Variants in CLCA2 observed in about 807,000 individuals in gnomAD.
CLCA2 encodes the protein calcium-activated chloride channel regulator 2.
A neutral mutation model predicts 82.9 loss-of-function variants in CLCA2; 85 were observed. That is an observed-to-expected ratio of 1.03 (90% CI 0.86 to 1.23). CLCA2 has a LOEUF of 1.23. Ranked by LOEUF, CLCA2 falls within the 50% of genes most tolerant of loss-of-function variation. The probability of loss-of-function intolerance (pLI) is 0.00; values close to 1 mark genes in which losing one functional copy is unlikely to be tolerated. For missense variants in CLCA2, 1,089 were observed against 1,124.8 expected (o/e 0.97, Z 0.45); for synonymous variants, 421 against 391.7 (o/e 1.07, Z -0.88).
At chr1:86,449,056 A>T (rs552111816) in intron 11 of CLCA2, among the ~76,000 whole-genome samples, 3 of 152,250 alleles carry the variant, frequency 2.0e-5, no homozygotes, top group Admixed American at 6.5e-5. Flanking sequence ...ACAATAAAAA[A>T]TACTGCTCAG....
At chr1:86,433,090 T>C (rs1289364762) in intron 5 of CLCA2, among the ~76,000 whole-genome samples, 1 of 152,236 alleles carries the variant, frequency 6.6e-6, no homozygotes, top group Non-Finnish European at 1.5e-5. Context: ...AAAAGAGTAC[T>C]CTGTCATGGG....
chr1:86,432,195 C>T lies in CLCA2; in HGVS notation c.585-174C>T, dbSNP rs538437734. Among the ~76,000 whole-genome samples the T allele has an allele frequency of 4.6e-5, 7 of 152,268 alleles. No individual in the cohort carries two copies. In the East Asian group the frequency reaches 7.7e-4, roughly 17 times the overall value. ...AGGTGATCCACCAGCCTCAGCCTCC[C>T]AAAGTAATGGGATTACAGGTGTGAG... On this transcript the variant is annotated intron_variant, in intron 4 of 13. Transcript: ENST00000370565.
chr1:86,449,285 A>G (rs1055604065), intron 11 of CLCA2, among the ~76,000 whole-genome samples: 1 of 152,210 alleles, frequency 6.6e-6, no homozygotes, highest in Non-Finnish European at 1.5e-5. Flanking sequence ...TCTCCATTTT[A>G]TAGATGAGAA....
At chr1:86,431,638 T>C (rs749092963) in intron 4 of CLCA2, among the ~76,000 whole-genome samples, 2 of 152,186 alleles carry the variant, frequency 1.3e-5, no homozygotes, top group Non-Finnish European at 2.9e-5. Context: ...TAGGAAAGAA[T>C]CCTGTTAAAT....
chr1:86,440,028 A>T, intron 7 of CLCA2, 120 bp from the exon 8 acceptor site: 1 of 923,490 alleles, frequency 1.1e-6, no homozygotes, highest in Non-Finnish European at 1.7e-6. Flanking sequence ...GTAAAACTTG[A>T]GTGGAGATGG....
Position 86,443,800 on chromosome 1 carries a change from G to C in CLCA2, c.1502G>C (p.Gly501Ala), listed in dbSNP as rs1160012689. 3 of 1,613,494 alleles carry C rather than the reference G, an allele frequency of 1.9e-6. No individual in the cohort carries two copies. The highest frequency in any genetic ancestry group is 2.2e-5 in the South Asian group (2 of 91,030). Residue 501 changes from glycine (G) to alanine (A), a missense_variant, in exon 10 of 14, where the codon GGT (glycine) becomes GCT (alanine). Gly to Ala is a moderately conservative substitution (Grantham distance 60). Coordinates refer to ENST00000370565, the MANE Select transcript of CLCA2 (RefSeq NM_006536.7). ...TCTCTTTAACAGCTTGAAAGTACAGGTGAAAATGTCAAACCTCACCATCAA... is the reference window on the plus strand; with the variant it reads ...TCTCTTTAACAGCTTGAAAGTACAGCTGAAAATGTCAAACCTCACCATCAA... The part of the protein sequence containing the change: ...FQQHIQLEST[G>A]ENVKPHHQLK...
intron 11 of CLCA2, among the ~76,000 whole-genome samples, chr1:86,448,932 A>T (rs550771056): frequency 1.3e-5 from 2 of 152,234 alleles, no homozygotes; most frequent in African/African-American, 4.8e-5. Context: ...CAGCCTGGAG[A>T]ACAGAGCCTA....
At chr1:86,454,755 G>T (rs1663038499) in intron 13 of CLCA2, among the ~76,000 whole-genome samples, 2 of 152,110 alleles carry the variant, frequency 1.3e-5, no homozygotes, top group African/African-American at 4.8e-5. Context: ...TGGCGCCACT[G>T]CACTCCAACC....
chr1:86,430,508 C>T (rs1287894523), intron 3 of CLCA2, among the ~76,000 whole-genome samples: 1 of 152,158 alleles, frequency 6.6e-6, no homozygotes, highest in Non-Finnish European at 1.5e-5. Context: ...TTTCTCCAAA[C>T]CCTGAACTTA....
At chr1:86,430,746 ACTC>A in intron 3 of CLCA2, 113 bp from the exon 4 acceptor site, 2 of 766,590 alleles carry the variant, frequency 2.6e-6, no homozygotes. Flanking sequence ...AGTAACTTAA[ACTC>A]TTTGGTCATT....
intron 13 of CLCA2, among the ~76,000 whole-genome samples, chr1:86,454,686 G>A (rs927024336): frequency 6.6e-5 from 10 of 152,198 alleles, no homozygotes; most frequent in African/African-American, 2.4e-4. Flanking sequence ...CAGCTACTTG[G>A]GAGGCTGAGG....
At chr1:86,425,600 A>ATAT in intron 2 of CLCA2, 124 bp downstream of exon 2, 1 of 679,234 alleles carries the variant, frequency 1.5e-6, no homozygotes, top group Non-Finnish European at 2.1e-6. Context: ...AATGCAAATA[A>ATAT]TATTAATGGG....
chr1:86,447,930 A>G (rs748312715), intron 11 of CLCA2, 152 bp downstream of exon 11: 3 of 777,918 alleles, frequency 3.9e-6, no homozygotes, highest in Non-Finnish European at 6.0e-6. Context: ...AGTCACTGAT[A>G]TACTGAATAG....
rs747280983 is a variant in CLCA2 at position 86,424,398 on chromosome 1, G to A, written c.151G>A (p.Val51Ile). 1.4e-5 allele frequency: 23 copies of A among 1,611,010 alleles called. No homozygotes were observed. Among genetic ancestry groups the A allele is most frequent in the Middle Eastern group, 1.7e-4 (1 of 6,058 alleles). The change falls in exon 1 of 14, where the codon GTA becomes ATA. Residue 51 changes from valine to isoleucine, a missense_variant. Transcript: ENST00000370565. ...ATTGCTCATTGCAATTAATCCTCAGGTACCTGAGAATCAGAACCTCATCTC... is the reference window on the plus strand; with the variant it reads ...ATTGCTCATTGCAATTAATCCTCAGATACCTGAGAATCAGAACCTCATCTC... ...NGLLIAINPQVPENQNLISNI... is the reference protein window; with the variant it reads ...NGLLIAINPQIPENQNLISNI...
At position 86,453,611 on chromosome 1, in the gene CLCA2, G is replaced by T. The variant is rs551438794; in HGVS notation, c.2389+9G>T. 1.1e-5 allele frequency: 17 copies of T among 1,608,906 alleles called. 1 individual carries two copies. The South Asian group carries it at 1.7e-4, about 16-fold the overall frequency. ...CTTTGATCAGGGCCAGGGTAGGTTT[G>T]CTCATTTCATTACCTATTTTTCCAT... On this transcript the variant is annotated intron_variant, in intron 13 of 13. Transcript: ENST00000370565.
Position 86,455,316 on chromosome 1 carries a change from T to C in CLCA2, c.2621T>C (p.Leu874Ser). Residue 874 changes from leucine to serine, a missense_variant, in exon 14 of 14, where the codon TTA (leucine) becomes TCA (serine). Leu to Ser is a moderately radical substitution (Grantham distance 145). Transcript: ENST00000370565. ...VAIRAMDRNS[L>S]QSAVSNIAQA... ...ATACGAGCAATGGATAGGAACTCCTTACAGTCTGCTGTATCTAACATTGCC... is the reference window on the plus strand; with the variant it reads ...ATACGAGCAATGGATAGGAACTCCTCACAGTCTGCTGTATCTAACATTGCC... 1 of 1,614,022 alleles carries C rather than the reference T, an allele frequency of 6.2e-7. No individual in the cohort carries two copies. Among genetic ancestry groups the C allele is most frequent in the Non-Finnish European group, 8.5e-7 (1 of 1,179,970 alleles).
At chr1:86,436,957 G>A (rs568804467) in intron 6 of CLCA2, among the ~76,000 whole-genome samples, 53 of 152,162 alleles carry the variant, frequency 3.5e-4, no homozygotes, top group Non-Finnish European at 5.7e-4. Flanking sequence ...CAGGTGATCC[G>A]CCCACCTTGG....
intron 3 of CLCA2, 140 bp downstream of exon 3, chr1:86,428,708 C>T (rs2101690414): frequency 1.1e-6 from 1 of 888,410 alleles, no homozygotes; most frequent in South Asian, 2.0e-5. Flanking sequence ...GTCATATGCC[C>T]ATGCAAAGAT....
chr1:86,447,399 C>A, intron 10 of CLCA2, 109 bp from the exon 11 acceptor site: 1 of 1,127,932 alleles, frequency 8.9e-7, no homozygotes, highest in Non-Finnish European at 1.3e-6. Context: ...TTAAAAAGTG[C>A]AACATCAACA....
Sources: gnomAD v4.1 joint callset for allele counts (sites outside exome capture counted in the v4.1 genomes callset) on GRCh38, gnomAD v4.1.1 for gene constraint, MANE v1.5 for transcripts, NCBI Gene and HGNC (gene_info 2026-07-23, HGNC 2026-07-21) for gene names.